FMNL3: variants seen among roughly 807,000 people sequenced by gnomAD.
FMNL3 encodes formin-like protein 3.
Under a neutral mutation model 119.6 loss-of-function variants are expected in FMNL3, and 57 were observed. That is an observed-to-expected ratio of 0.48 (90% CI 0.39 to 0.59). The LOEUF (loss-of-function observed/expected upper bound fraction) is 0.59. Ranked by LOEUF, FMNL3 falls within the 20% of genes least tolerant of loss-of-function variation. The pLI is 0.00. For missense variants in FMNL3, 1,053 were observed against 1,323.5 expected, an observed-to-expected ratio of 0.80 and a Z score of 3.17; for synonymous variants, 491 against 507.3, an observed-to-expected ratio of 0.97 and a Z score of 0.43.
At chr12:49,692,677 T>C (rs1449969710) in intron 1 of FMNL3, among the ~76,000 whole-genome samples, 1 of 152,216 alleles carries the variant, frequency 6.6e-6, no homozygotes, top group East Asian at 1.9e-4. Context: ...CAGCCATTTA[T>C]TGAGTGCCTA....
Position 49,636,651 on chromosome 12 carries a change from G to T in FMNL3, c.*9164C>A. On this transcript the variant is annotated 3_prime_UTR_variant, in exon 26 of 26. Coordinates refer to ENST00000335154, the MANE Select transcript of FMNL3 (RefSeq NM_175736.5). ...AGGACAGCATCGTTGAAACATTAGG[G>T]GTGCTGGGGTCTGAGAGGGTATCCT... 1 of 1,602,156 alleles carries T rather than the reference G, an allele frequency of 6.2e-7. No homozygotes were observed. The highest frequency in any genetic ancestry group is 8.5e-7 in the Non-Finnish European group (1 of 1,170,934).
At chr12:49,693,636 G>GTTT (rs71080198) in intron 1 of FMNL3, among the ~76,000 whole-genome samples, 14 of 63,362 alleles carry the variant, frequency 2.2e-4, no homozygotes, top group African/African-American at 6.9e-4. Context: ...CCCAATCTTG[G>GTTT]TTTTTTTTTT....
chr12:49,641,960 T>G lies in FMNL3; in HGVS notation c.*3855A>C. 1 of 1,613,904 alleles carries G rather than the reference T, an allele frequency of 6.2e-7. No individual in the cohort carries two copies. The highest frequency in any genetic ancestry group is 1.1e-5 in the South Asian group (1 of 91,086). ...ACGGCCTTTGAGGACTTCGCCCACG[T>G]CATAAGCTTTGACAAGAGGGCTGCC... On this transcript the variant is annotated 3_prime_UTR_variant, in exon 26 of 26. Transcript: ENST00000335154.
At chr12:49,689,271 A>C (rs912169833) in intron 1 of FMNL3, among the ~76,000 whole-genome samples, 1 of 152,234 alleles carries the variant, frequency 6.6e-6, no homozygotes, top group Non-Finnish European at 1.5e-5. Context: ...GTTTCACTTA[A>C]ATCAAATTAT....
rs962349607 is a variant in FMNL3 at position 49,641,689 on chromosome 12, C to T, written c.*4126G>A. The stretch of plus-strand genomic sequence containing the variant: ...AGCAGTTGGGAGACATCTCCCAACC[C>T]CTTCAGCTCTGTGTGACATCCAAAC... On this transcript the variant is annotated 3_prime_UTR_variant, in exon 26 of 26. Transcript: ENST00000335154. The T allele has an allele frequency of 2.9e-5, 16 of 544,826 alleles. No homozygotes were observed. In the South Asian group the frequency reaches 4.2e-4, roughly 14 times the overall value. The allele number at this position is 544,826 out of a possible 1,614,324, so 33.7% of individuals were successfully genotyped here.
chr12:49,703,289 T>C (rs1944958078), intron 1 of FMNL3, among the ~76,000 whole-genome samples: 1 of 152,182 alleles, frequency 6.6e-6, no homozygotes, highest in Non-Finnish European at 1.5e-5. Flanking sequence ...AATACTAGCT[T>C]CTGAGCAACT....
In FMNL3 at chr12:49,638,176, G is replaced by T; in HGVS notation, c.*7639C>A. 4.6e-6 allele frequency: 1 copy of T among 218,872 alleles called. No individual in the cohort carries two copies. The highest frequency in any genetic ancestry group is 9.1e-5 in the South Asian group (1 of 11,030). 13.6% of individuals were successfully genotyped at this position (218,872 alleles called of 1,614,324 possible). A position where few individuals can be genotyped will look rare whatever the true frequency, so the allele number is the denominator to read the frequency against. ...AAGAGCAAAGGCAAGGGGGTGGAAA[G>T]GGCATGCCAGGTCTGAGGAGGAAGA... is the stretch of plus-strand genomic sequence containing the variant. On this transcript the variant is annotated 3_prime_UTR_variant, in exon 26 of 26. Coordinates refer to ENST00000335154, the MANE Select transcript of FMNL3 (RefSeq NM_175736.5).
chr12:49,641,988 A>C lies in FMNL3; in HGVS notation c.*3827T>G, dbSNP rs771166750. 2 of 1,613,702 alleles carry C rather than the reference A, an allele frequency of 1.2e-6. No homozygotes were observed. Among genetic ancestry groups the C allele is most frequent in the Non-Finnish European group, 1.7e-6 (2 of 1,180,026 alleles). On this transcript the variant is annotated 3_prime_UTR_variant, in exon 26 of 26. Coordinates refer to ENST00000335154, the MANE Select transcript of FMNL3 (RefSeq NM_175736.5). ...TAAGCTTTGACAAGAGGGCTGCCGC[A>C]CTGGACGCAGGCAACATCAAGCTGA...
intron 4 of FMNL3, among the ~76,000 whole-genome samples, chr12:49,665,007 C>A (rs1943848729): frequency 6.6e-6 from 1 of 152,082 alleles, no homozygotes; most frequent in South Asian, 2.1e-4. Context: ...TATACCCCTG[C>A]CTGCAGTTCT....
Position 49,639,740 on chromosome 12 carries a change from T to C in FMNL3, c.*6075A>G, listed in dbSNP as rs1942345418. On this transcript the variant is annotated 3_prime_UTR_variant, in exon 26 of 26. Transcript: ENST00000335154. ...GGATAGAGTCACTAAGTAGAATTGATAGATTTTGTGAAATGGAGGGAAAGG... is the reference window on the plus strand; with the variant it reads ...GGATAGAGTCACTAAGTAGAATTGACAGATTTTGTGAAATGGAGGGAAAGG... 6.6e-6 allele frequency: 1 copy of C among 151,978 alleles called. No homozygotes were observed. The highest frequency in any genetic ancestry group is 1.5e-5 in the Non-Finnish European group (1 of 68,012). 9.4% of individuals were successfully genotyped at this position (151,978 alleles called of 1,614,324 possible).
Position 49,645,856 on chromosome 12 carries a change from C to T in FMNL3, c.3043G>A (p.Ala1015Thr). ...MVVRHQARSA[A>T]PPSGPPRAPG... is the part of the protein sequence containing the mutation. ...GCCCGAGGGGGACCACTGGGCGGTG[C>T]AGCACTCCTGGCTTGGTGGCGAACA... Residue 1015 changes from alanine (A) to threonine (T), a missense_variant, in exon 26 of 26, where the codon GCA becomes ACA. Physicochemically the swap from Ala to Thr is moderately conservative, Grantham distance 58 (BLOSUM62 0). Around this residue, in one of 4 missense-constraint regions of FMNL3, gnomAD observed 324 missense variants for 380.9 expected, o/e 0.85. Coordinates refer to ENST00000335154, the MANE Select transcript of FMNL3 (RefSeq NM_175736.5). 1 of 1,610,210 alleles carries T rather than the reference C, an allele frequency of 6.2e-7. No homozygotes were observed.
chr12:49,651,925 G>A lies in FMNL3; in HGVS notation c.1603+8C>T, dbSNP rs760726930. On this transcript the variant is annotated splice_region_variant and intron_variant, in intron 14 of 25. Transcript: ENST00000335154. ...CCCCTGTTGGCTCCCAGGGGTCGTCGTGGTTACCTGGTAATGGGGGAGGTG... is the reference window on the plus strand; with the variant it reads ...CCCCTGTTGGCTCCCAGGGGTCGTCATGGTTACCTGGTAATGGGGGAGGTG... 1.9e-6 allele frequency: 3 copies of A among 1,576,426 alleles called. No homozygotes were observed. Among genetic ancestry groups the A allele is most frequent in the African/African-American group, 1.3e-5 (1 of 74,166 alleles).
chr12:49,660,567 G>A (rs984417592), intron 5 of FMNL3, among the ~76,000 whole-genome samples: 2 of 152,196 alleles, frequency 1.3e-5, no homozygotes, highest in Non-Finnish European at 2.9e-5. Context: ...GGTGAGAGGC[G>A]CCGAACATAG....
intron 9 of FMNL3, 45 bp from the exon 10 acceptor site, chr12:49,655,029 A>G: frequency 6.3e-7 from 1 of 1,585,088 alleles, no homozygotes; most frequent in Non-Finnish European, 8.6e-7. Flanking sequence ...CTCCATGCAG[A>G]ACCCAAGCCC....
chr12:49,662,268 C>G (rs1031810432), intron 4 of FMNL3, among the ~76,000 whole-genome samples: 4 of 152,210 alleles, frequency 2.6e-5, no homozygotes, highest in African/African-American at 9.6e-5. Flanking sequence ...TCTAATGCCA[C>G]TTGCTTTATC....
At position 49,647,888 on chromosome 12, in the gene FMNL3, G is replaced by A; in HGVS notation, c.2677-84C>T. 1 of 1,148,024 alleles carries A rather than the reference G, an allele frequency of 8.7e-7. No individual in the cohort carries two copies. 71.1% of individuals were successfully genotyped at this position (1,148,024 alleles called of 1,614,324 possible). ...ACCACGGATGAGAGGCCTGCAGAAAGCAGAGCCCAGGGCCAAAGGGAGGAA... is the reference window on the plus strand; with the variant it reads ...ACCACGGATGAGAGGCCTGCAGAAAACAGAGCCCAGGGCCAAAGGGAGGAA... On this transcript the variant is annotated intron_variant, in intron 22 of 25. Transcript: ENST00000335154. This position sits in a 1 kb window ranked among gnomAD's most constrained non-coding sequence, Gnocchi z 4.9.
rs1942951899 is a variant in FMNL3, at chr12:49,643,567, C to T, written c.*2248G>A. ...CAAGCAAGAAGCTGGAGAAGGAAAACTGGACTTAGACTTCCTCAGAGCATG... is the reference window on the plus strand; with the variant it reads ...CAAGCAAGAAGCTGGAGAAGGAAAATTGGACTTAGACTTCCTCAGAGCATG... On this transcript the variant is annotated 3_prime_UTR_variant, in exon 26 of 26. Transcript: ENST00000335154. 5 of 1,371,396 alleles carry T rather than the reference C, an allele frequency of 3.6e-6. No individual in the cohort carries two copies. The highest frequency in any genetic ancestry group is 4.9e-6 in the Non-Finnish European group (5 of 1,015,128). 85.0% of individuals were successfully genotyped at this position (1,371,396 alleles called of 1,614,324 possible).
At chr12:49,699,365 GCTT>G (rs1284639484) in intron 1 of FMNL3, among the ~76,000 whole-genome samples, 1 of 152,172 alleles carries the variant, frequency 6.6e-6, no homozygotes, top group Non-Finnish European at 1.5e-5. Context: ...CTCCACTTTG[GCTT>G]CTTTTTTCAC....
chr12:49,656,787 A>G lies in FMNL3; in HGVS notation c.791+36T>C, dbSNP rs1943583014. 3 of 1,570,178 alleles carry G rather than the reference A, an allele frequency of 1.9e-6. No homozygotes were observed. The South Asian group carries it at 3.3e-5, about 17-fold the overall frequency. On this transcript the variant is annotated intron_variant, in intron 8 of 25. Transcript: ENST00000335154. ...GGAGTACAGATCTCCAGAGCCCTGGACAGAGTGGGGAGGAAAGGGGAGGGA... is the reference window on the plus strand; with the variant it reads ...GGAGTACAGATCTCCAGAGCCCTGGGCAGAGTGGGGAGGAAAGGGGAGGGA...
Sources: allele counts gnomAD v4.1 joint callset (sites outside exome capture counted in the v4.1 genomes callset), GRCh38; gene constraint gnomAD v4.1.1; regional missense constraint gnomAD v4.1.1; non-coding constraint Gnocchi (gnomAD v3.1); transcripts MANE v1.5; gene names NCBI Gene and HGNC (gene_info 2026-07-23, HGNC 2026-07-21).